The following CORIN variants were observed in gnomAD, a reference collection of about 807,000 sequenced individuals.
CORIN encodes the protein atrial natriuretic peptide-converting enzyme.
Under a neutral mutation model 125.3 loss-of-function variants are expected in CORIN, and 117 were observed. That is an observed-to-expected ratio of 0.93 (90% CI 0.80 to 1.09). CORIN has a LOEUF of 1.09. Among genes scored for constraint, CORIN ranks in the 50% least tolerant of loss-of-function variants. The pLI, the probability that CORIN is intolerant of heterozygous loss-of-function variation, is 0.00. For missense variants in CORIN, 1,253 were observed against 1,306.7 expected (o/e 0.96, Z 0.63); for synonymous variants, 450 against 466.4 (o/e 0.96, Z 0.45).
At chr4:47,611,403 G>A (rs1280810614) in intron 19 of CORIN, among the ~76,000 whole-genome samples, 7 of 152,066 alleles carry the variant, frequency 4.6e-5, no homozygotes, top group African/African-American at 1.7e-4. Context: ...CTTGCCTGTT[G>A]TGGTGTATAA....
intron 5 of CORIN, among the ~76,000 whole-genome samples, chr4:47,693,596 T>A (rs1263113196): frequency 2.6e-5 from 4 of 152,172 alleles, no homozygotes; most frequent in Non-Finnish European, 4.4e-5. Flanking sequence ...GTGCCCTGTA[T>A]TTGAAATGTA....
At chr4:47,712,683 A>C (rs552824003) in intron 5 of CORIN, among the ~76,000 whole-genome samples, 2 of 152,324 alleles carry the variant, frequency 1.3e-5, no homozygotes, top group East Asian at 3.9e-4. Context: ...AAATTACTTA[A>C]ATGTTTACAA....
chr4:47,614,005 T>C (rs1033427484), intron 19 of CORIN, among the ~76,000 whole-genome samples: 2 of 151,990 alleles, frequency 1.3e-5, no homozygotes, highest in Non-Finnish European at 2.9e-5. Flanking sequence ...TCTTACTTAT[T>C]GAATGAGCAG....
chr4:47,776,280 G>A (rs1418514095), intron 3 of CORIN, among the ~76,000 whole-genome samples: 10 of 146,892 alleles, frequency 6.8e-5, no homozygotes, highest in African/African-American at 2.5e-4. Context: ...CTCCCAAAGT[G>A]CTAGGATTTT....
At chr4:47,633,322 T>C (rs1722912473) in intron 16 of CORIN, among the ~76,000 whole-genome samples, 2 of 152,156 alleles carry the variant, frequency 1.3e-5, no homozygotes, top group Admixed American at 1.3e-4. Context: ...AACTAAAATT[T>C]AAATTTATAA....
chr4:47,639,451 C>T (rs1006206478), intron 16 of CORIN, among the ~76,000 whole-genome samples: 1 of 152,172 alleles, frequency 6.6e-6, no homozygotes, highest in Admixed American at 6.5e-5. Context: ...TAGTCCAGTA[C>T]AAGGCCCATA....
chr4:47,702,130 G>A (rs1018098586), intron 5 of CORIN, among the ~76,000 whole-genome samples: 3 of 152,068 alleles, frequency 2.0e-5, no homozygotes, highest in Non-Finnish European at 4.4e-5. Context: ...AAAAAATTGT[G>A]TTTAATAATA....
intron 5 of CORIN, among the ~76,000 whole-genome samples, chr4:47,726,476 G>A (rs1022970173): frequency 2.0e-5 from 3 of 152,070 alleles, no homozygotes; most frequent in Admixed American, 1.3e-4. Context: ...GATTCCATGT[G>A]TGACATTCTA....
At chr4:47,626,630 C>T (rs1722582027) in intron 16 of CORIN, 109 bp from the exon 17 acceptor site, 2 of 767,150 alleles carry the variant, frequency 2.6e-6, no homozygotes, top group African/African-American at 1.7e-5. Flanking sequence ...TAAATCATGT[C>T]AACATTTCAA....
intron 1 of CORIN, among the ~76,000 whole-genome samples, chr4:47,826,459 C>T (rs1175101347): frequency 6.6e-6 from 1 of 152,214 alleles, no homozygotes; most frequent in Non-Finnish European, 1.5e-5. Context: ...AGGCTGCTTC[C>T]TTCTGAAGGC....
At chr4:47,699,983 C>T (rs1057025829) in intron 5 of CORIN, among the ~76,000 whole-genome samples, 1 of 152,176 alleles carries the variant, frequency 6.6e-6, no homozygotes, top group Admixed American at 6.5e-5. Context: ...AGGAAAGGGG[C>T]TTTGGGGCCA....
intron 1 of CORIN, among the ~76,000 whole-genome samples, chr4:47,828,986 G>A (rs963039134): frequency 1.3e-5 from 2 of 151,594 alleles, no homozygotes; most frequent in Non-Finnish European, 1.5e-5. Context: ...GTGAAACCCC[G>A]TCTCCACTAA....
chr4:47,674,412 G>C lies in CORIN; in HGVS notation c.1338C>G (p.Asn446Lys), dbSNP rs756118546. ...ACTTACTACAGTTATTCAGACTGTT[G>C]TTCGGGTCACAGAGAGAGCTACCAC... Reference protein sequence around the residue: ...SCGGSSLCDPNNSLNNCSQCE... With the variant: ...SCGGSSLCDPKNSLNNCSQCE... The change falls in exon 10 of 22, where the codon AAC becomes AAG. Residue 446 changes from asparagine (N) to lysine (K), a missense_variant. By Grantham distance (94) the Asn-to-Lys change is moderately conservative. Coordinates refer to ENST00000273857, the MANE Select transcript of CORIN (RefSeq NM_006587.4). The C allele has an allele frequency of 1.9e-6, 3 of 1,612,662 alleles. No homozygotes were observed. The highest frequency in any genetic ancestry group is 2.5e-6 in the Non-Finnish European group (3 of 1,178,692).
Position 47,594,199 on chromosome 4 carries a change from G to A in CORIN, c.*1522C>T, listed in dbSNP as rs1721166819. ...GTTGCTGGATTTCACACTCTCCTTA[G>A]GTTTATACAAACTGAAGGACAGGAG... On this transcript the variant is annotated 3_prime_UTR_variant, in exon 22 of 22. Coordinates refer to ENST00000273857, the MANE Select transcript of CORIN (RefSeq NM_006587.4). The A allele has an allele frequency of 1.3e-5, 2 of 152,240 alleles. No individual in the cohort carries two copies. The highest frequency in any genetic ancestry group is 2.9e-5 in the Non-Finnish European group (2 of 67,960). 9.4% of individuals were successfully genotyped at this position (152,240 alleles called of 1,614,324 possible).
chr4:47,688,473 A>C (rs1283157994), intron 6 of CORIN, among the ~76,000 whole-genome samples: 1 of 152,080 alleles, frequency 6.6e-6, no homozygotes, highest in East Asian at 1.9e-4. Flanking sequence ...GTGGTGGCTC[A>C]CGCCTGTAGT....
chr4:47,752,751 A>G (rs981270745), intron 4 of CORIN, among the ~76,000 whole-genome samples: 1 of 151,994 alleles, frequency 6.6e-6, no homozygotes, highest in Non-Finnish European at 1.5e-5. Context: ...AAAATGACAC[A>G]GCCACTCTGA....
intron 3 of CORIN, among the ~76,000 whole-genome samples, chr4:47,782,001 A>C (rs1360802270): frequency 6.6e-6 from 1 of 152,092 alleles, no homozygotes; most frequent in Non-Finnish European, 1.5e-5. Context: ...ATATTAATAA[A>C]AGGTTCAATA....
intron 6 of CORIN, among the ~76,000 whole-genome samples, chr4:47,689,700 G>A (rs1365875732): frequency 1.3e-5 from 2 of 152,134 alleles, no homozygotes; most frequent in Non-Finnish European, 2.9e-5. Flanking sequence ...GCCAGTTATA[G>A]ACTCAAAAGA....
chr4:47,803,503 C>G (rs1731635102), intron 2 of CORIN, among the ~76,000 whole-genome samples: 2 of 152,296 alleles, frequency 1.3e-5, no homozygotes, highest in African/African-American at 2.4e-5. Context: ...GGCATACAAA[C>G]AGACACACAG....
Sources: gnomAD v4.1 joint callset for allele counts (sites outside exome capture counted in the v4.1 genomes callset) on GRCh38, gnomAD v4.1.1 for gene constraint, MANE v1.5 for transcripts, NCBI Gene and HGNC (gene_info 2026-07-23, HGNC 2026-07-21) for gene names.